VTI1A: variants seen among roughly 807,000 people sequenced by gnomAD.
VTI1A encodes vesicle transport through interaction with t-SNAREs homolog 1A.
In VTI1A, 22 loss-of-function variants were observed where a neutral mutation model predicts 34.9. The observed-to-expected ratio is 0.63, with a 90% CI of 0.45 to 0.90. The LOEUF is 0.90. Among genes scored for constraint, VTI1A ranks in the 40% least tolerant of loss-of-function variants. VTI1A has a pLI of 0.00. For synonymous variants in VTI1A, 87 were observed against 97.3 expected, an observed-to-expected ratio of 0.89 and a Z score of 0.62; for missense variants, 268 against 275.6, an observed-to-expected ratio of 0.97 and a Z score of 0.20.
chr10:112,660,635 A>G lies in VTI1A; in HGVS notation c.428-7583A>G, dbSNP rs76052263. ...CAGTGACCGCTAACCACATGTAGGT[A>G]CTGAGCACTTGAAATGTGGATAGTG... On this transcript the variant is annotated intron_variant, in intron 5 of 7. Transcript: ENST00000393077. 7.6e-3 allele frequency among the ~76,000 whole-genome samples: 1,159 copies of G among 152,358 alleles called. 16 individuals are homozygous for G. Among genetic ancestry groups the G allele is most frequent in the African/African-American group, 0.027 (1,113 of 41,590 alleles).
intron 7 of VTI1A, among the ~76,000 whole-genome samples, chr10:112,809,205 C>T (rs1401456523): frequency 6.6e-6 from 1 of 152,226 alleles, no homozygotes; most frequent in African/African-American, 2.4e-5. Flanking sequence ...CAGAGGCAAA[C>T]ATGTCCCCAG....
intron 5 of VTI1A, among the ~76,000 whole-genome samples, chr10:112,657,007 G>T (rs938888414): frequency 1.3e-5 from 2 of 152,106 alleles, no homozygotes; most frequent in African/African-American, 2.4e-5. Context: ...TCCTGCTCCT[G>T]CCCTGTAAGC....
intron 1 of VTI1A, among the ~76,000 whole-genome samples, chr10:112,452,352 G>C (rs1364151393): frequency 6.6e-6 from 1 of 152,082 alleles, no homozygotes; most frequent in African/African-American, 2.4e-5. Context: ...GGCAGATCAC[G>C]AGCTCAGGAA....
chr10:112,493,902 G>A (rs1356816071), intron 3 of VTI1A, among the ~76,000 whole-genome samples: 1 of 152,078 alleles, frequency 6.6e-6, no homozygotes, highest in African/African-American at 2.4e-5. Flanking sequence ...CTGTTTACCA[G>A]GGATACTGGT....
chr10:112,469,511 A>C (rs1848008695), intron 3 of VTI1A, among the ~76,000 whole-genome samples: 1 of 152,214 alleles, frequency 6.6e-6, no homozygotes, highest in Admixed American at 6.5e-5. Context: ...GGCTTTATTC[A>C]GACAGTTAGA....
intron 7 of VTI1A, among the ~76,000 whole-genome samples, chr10:112,719,001 G>A (rs1303500287): frequency 6.6e-6 from 1 of 152,176 alleles, no homozygotes; most frequent in African/African-American, 2.4e-5. Context: ...AGAGGTCAGT[G>A]TTTTCAATAT....
chr10:112,759,669 G>T (rs2134005410), intron 7 of VTI1A, among the ~76,000 whole-genome samples: 1 of 152,320 alleles, frequency 6.6e-6, no homozygotes, highest in South Asian at 2.1e-4. Context: ...CACAAAGTAT[G>T]AAGGAATTCC....
chr10:112,760,551 C>T (rs142376408), intron 7 of VTI1A, among the ~76,000 whole-genome samples: 43 of 152,190 alleles, frequency 2.8e-4, no homozygotes, highest in African/African-American at 1.0e-3. Context: ...TTATTACCAG[C>T]GTGTGTGTGT....
chr10:112,658,150 C>T (rs1056349992), intron 5 of VTI1A, among the ~76,000 whole-genome samples: 1 of 152,096 alleles, frequency 6.6e-6, no homozygotes, highest in Non-Finnish European at 1.5e-5. Flanking sequence ...TGCAGTGGCA[C>T]AGTCATAGCT....
intron 7 of VTI1A, among the ~76,000 whole-genome samples, chr10:112,706,998 C>G (rs1364733218): frequency 6.6e-6 from 1 of 152,024 alleles, no homozygotes; most frequent in Admixed American, 6.6e-5. Flanking sequence ...TACTGAACTC[C>G]TTGTAATTTT....
intron 7 of VTI1A, among the ~76,000 whole-genome samples, chr10:112,756,614 T>C (rs7068695): frequency 0.35 from 52,563 of 152,060 alleles, 9,604 homozygotes; most frequent in East Asian, 0.53. Context: ...CTCTAGGTAC[T>C]GTTAGCTTAG....
rs892523584 is a variant in VTI1A, at chr10:112,786,467, C to G, written c.561-28823C>G. 3.3e-5 allele frequency among the ~76,000 whole-genome samples: 5 copies of G among 152,264 alleles called. No individual in the cohort carries two copies. The East Asian group carries it at 9.7e-4, about 29-fold the overall frequency. On this transcript the variant is annotated intron_variant, in intron 7 of 7. Transcript: ENST00000393077. The stretch of plus-strand genomic sequence containing the variant: ...TGCCAGATTGCACTGGCTAGAAGCT[C>G]CAATACAATTTTGGACAGAAGTGGT...
chr10:112,693,444 G>A (rs533553377), intron 7 of VTI1A, among the ~76,000 whole-genome samples: 14 of 152,286 alleles, frequency 9.2e-5, no homozygotes, highest in Non-Finnish European at 1.6e-4. Context: ...TTACTGGGGA[G>A]GCTGAGGCAG....
At chr10:112,811,102 G>A (rs956707961) in intron 7 of VTI1A, among the ~76,000 whole-genome samples, 4 of 152,172 alleles carry the variant, frequency 2.6e-5, no homozygotes, top group Admixed American at 2.6e-4. Flanking sequence ...ATGGTATTCG[G>A]CAGTGACAAC....
At chr10:112,693,348 A>G (rs1298585836) in intron 7 of VTI1A, among the ~76,000 whole-genome samples, 1 of 152,120 alleles carries the variant, frequency 6.6e-6, no homozygotes, top group Non-Finnish European at 1.5e-5. Flanking sequence ...GTAGTTCGAG[A>G]CCAGCCTGGC....
intron 7 of VTI1A, among the ~76,000 whole-genome samples, chr10:112,683,024 A>G (rs1406143674): frequency 6.6e-6 from 1 of 152,224 alleles, no homozygotes; most frequent in Non-Finnish European, 1.5e-5. Flanking sequence ...AGAAATAAAA[A>G]TATGGCACCA....
chr10:112,649,527 G>A (rs1414816173), intron 5 of VTI1A, among the ~76,000 whole-genome samples: 2 of 152,132 alleles, frequency 1.3e-5, no homozygotes, highest in African/African-American at 2.4e-5. Flanking sequence ...GTTTTCTGAT[G>A]CTTTCTTATG....
At chr10:112,475,381 G>C (rs577569699) in intron 3 of VTI1A, among the ~76,000 whole-genome samples, 4 of 152,306 alleles carry the variant, frequency 2.6e-5, no homozygotes, top group African/African-American at 9.6e-5. Context: ...TTCTTTTTAA[G>C]TTTATGTCAG....
At chr10:112,849,113 G>T in the VTI1A span, among the ~76,000 whole-genome samples, 8 of 152,222 alleles carry the variant, frequency 5.3e-5, no homozygotes, top group Admixed American at 5.2e-4. Flanking sequence ...AGGCACAAGT[G>T]CTGGTGGAAT....
Sources: allele counts gnomAD v4.1 joint callset (sites outside exome capture counted in the v4.1 genomes callset), GRCh38; gene constraint gnomAD v4.1.1; transcripts MANE v1.5; gene names NCBI Gene and HGNC (gene_info 2026-07-23, HGNC 2026-07-21).